CYRIA: variants seen among roughly 807,000 people sequenced by gnomAD.
CYRIA encodes the protein CYFIP related Rac1 interactor A, also known as CYFIP-related Rac1 interactor A.
In CYRIA, 15 loss-of-function variants were observed where a neutral mutation model predicts 43.9. The observed-to-expected ratio is 0.34, with a 90% CI of 0.23 to 0.53. CYRIA has a LOEUF of 0.53. CYRIA is among the 20% of genes least tolerant of loss of function. The pLI is 0.94. For missense variants in CYRIA, 236 were observed against 394.2 expected (o/e 0.60, Z 3.40); for synonymous variants, 117 against 136.0 (o/e 0.86, Z 0.97).
At chr2:16,637,213 A>T (rs1352713973) in intron 1 of CYRIA, among the ~76,000 whole-genome samples, 1 of 152,162 alleles carries the variant, frequency 6.6e-6, no homozygotes, top group Admixed American at 6.6e-5. Flanking sequence ...TTTTAACTTA[A>T]AAGTTGTAAT....
chr2:16,630,214 GA>G (rs1371989014), intron 1 of CYRIA, among the ~76,000 whole-genome samples: 1 of 152,194 alleles, frequency 6.6e-6, no homozygotes, highest in Non-Finnish European at 1.5e-5. Context: ...CAGTCACTCA[GA>G]GAGGCTGAGT....
intron 3 of CYRIA, among the ~76,000 whole-genome samples, chr2:16,578,489 T>TATAAAA (rs1667431339): frequency 6.6e-6 from 1 of 152,218 alleles, no homozygotes; most frequent in African/African-American, 2.4e-5. Flanking sequence ...TTAAAGAATC[T>TATAAAA]ATAATGTTGA....
chr2:16,602,661 G>A (rs1668252272), intron 2 of CYRIA, among the ~76,000 whole-genome samples: 1 of 151,964 alleles, frequency 6.6e-6, no homozygotes, highest in African/African-American at 2.4e-5. Flanking sequence ...ATTAGAACTG[G>A]GGTCATCTTT....
At chr2:16,564,498 C>T (rs770090108) in intron 4 of CYRIA, among the ~76,000 whole-genome samples, 11 of 152,066 alleles carry the variant, frequency 7.2e-5, no homozygotes, top group Non-Finnish European at 1.5e-4. Context: ...GTCATGTTAC[C>T]TAAATTGTAT....
intron 3 of CYRIA, among the ~76,000 whole-genome samples, chr2:16,569,041 T>C (rs1191867737): frequency 6.6e-6 from 1 of 152,206 alleles, no homozygotes; most frequent in African/African-American, 2.4e-5. Flanking sequence ...CTGTTTCTGA[T>C]AGGGTGGCCT....
At chr2:16,579,882 C>CAAACATTAATTAAACATATATGT (rs1667488457) in intron 3 of CYRIA, among the ~76,000 whole-genome samples, 2 of 151,562 alleles carry the variant, frequency 1.3e-5, no homozygotes, top group African/African-American at 2.4e-5. Flanking sequence ...AGCTCAAATA[C>CAAACATTAATTAAACATATATGT]AAACATTAAT....
chr2:16,627,350 TC>T (rs1429576862), intron 1 of CYRIA, among the ~76,000 whole-genome samples: 2 of 152,150 alleles, frequency 1.3e-5, no homozygotes, highest in Non-Finnish European at 2.9e-5. Flanking sequence ...TTAGACTGAG[TC>T]CCTCAATGCC....
chr2:16,643,707 C>T (rs554023325), intron 1 of CYRIA, among the ~76,000 whole-genome samples: 1 of 152,312 alleles, frequency 6.6e-6, no homozygotes, highest in South Asian at 2.1e-4. Flanking sequence ...GGGCCAGGCT[C>T]ACATCAGTGT....
rs1666358864 is a variant in CYRIA at position 16,552,722 on chromosome 2, G to A, written c.*214C>T. On this transcript the variant is annotated 3_prime_UTR_variant, in exon 12 of 12. Coordinates refer to ENST00000381323, the MANE Select transcript of CYRIA (RefSeq NM_030797.4). ...TCCGAATTTTGCCTTTGGAGAAGGG[G>A]GTTTCATTTCAGACATCAAAGGTAA... 6.1e-6 allele frequency: 3 copies of A among 488,520 alleles called. No homozygotes were observed. The East Asian group carries it at 9.7e-5, about 16-fold the overall frequency. 30.3% of individuals were successfully genotyped at this position (488,520 alleles called of 1,614,324 possible). A position where few individuals can be genotyped will look rare whatever the true frequency, so the allele number is the denominator to read the frequency against.
Position 16,588,000 on chromosome 2 carries a change from T to A in CYRIA, c.70+50A>T, listed in dbSNP as rs113017611. The A allele has an allele frequency of 6.4e-4, 750 of 1,168,574 alleles. 7 individuals are homozygous for A. In the African/African-American group the frequency reaches 0.01, roughly 16 times the overall value. 72.4% of individuals were successfully genotyped at this position (1,168,574 alleles called of 1,614,324 possible). ...TATGTTATAACTTCCTTATCAACAA[T>A]CTATAAGGAATGTAAAAAAGTTTCC... is the stretch of plus-strand genomic sequence containing the variant. On this transcript the variant is annotated intron_variant, in intron 3 of 11. Coordinates refer to ENST00000381323, the MANE Select transcript of CYRIA (RefSeq NM_030797.4).
At chr2:16,663,765 C>T (rs1670322868) in intron 1 of CYRIA, among the ~76,000 whole-genome samples, 1 of 152,142 alleles carries the variant, frequency 6.6e-6, no homozygotes, top group Non-Finnish European at 1.5e-5. Context: ...CAGACAGCTT[C>T]CTGGCAGCTC....
At chr2:16,572,700 C>T (rs1667180150) in intron 3 of CYRIA, among the ~76,000 whole-genome samples, 1 of 152,160 alleles carries the variant, frequency 6.6e-6, no homozygotes, top group Admixed American at 6.5e-5. Flanking sequence ...GATTTGAAGA[C>T]TTTAGAATTT....
Position 16,588,133 on chromosome 2 carries a change from G to A in CYRIA, c.-10-4C>T, listed in dbSNP as rs1230952012. On this transcript the variant is annotated splice_polypyrimidine_tract_variant and splice_region_variant and intron_variant, in intron 2 of 11. Coordinates refer to ENST00000381323, the MANE Select transcript of CYRIA (RefSeq NM_030797.4). ...CAGGTTTCCCATCCCAGCAAACCTAGGAAAGGCAACACAAAACCAAATACC... is the reference window on the plus strand; with the variant it reads ...CAGGTTTCCCATCCCAGCAAACCTAAGAAAGGCAACACAAAACCAAATACC... 1 of 1,595,622 alleles carries A rather than the reference G, an allele frequency of 6.3e-7. No homozygotes were observed. Among genetic ancestry groups the A allele is most frequent in the East Asian group, 2.2e-5 (1 of 44,578 alleles).
At chr2:16,661,532 TC>T (rs1208065913) in intron 1 of CYRIA, among the ~76,000 whole-genome samples, 1 of 152,182 alleles carries the variant, frequency 6.6e-6, no homozygotes, top group Non-Finnish European at 1.5e-5. Context: ...CTCAGATGTG[TC>T]AAACTCCTCT....
intron 2 of CYRIA, among the ~76,000 whole-genome samples, chr2:16,610,484 T>C (rs1378884580): frequency 2.6e-5 from 4 of 152,210 alleles, no homozygotes; most frequent in Non-Finnish European, 4.4e-5. Flanking sequence ...TATTAGCACA[T>C]GGTTTGGCAT....
chr2:16,634,669 TG>T (rs60452596), intron 1 of CYRIA, among the ~76,000 whole-genome samples: 84,286 of 152,056 alleles, frequency 0.55, 27,498 homozygotes, highest in East Asian at 0.95. Context: ...GGCATGTGTC[TG>T]GGGGGTGGCA....
intron 2 of CYRIA, among the ~76,000 whole-genome samples, chr2:16,619,541 G>T (rs1474897091): frequency 6.6e-6 from 1 of 152,190 alleles, no homozygotes; most frequent in Non-Finnish European, 1.5e-5. Context: ...GAGCTATGGT[G>T]TAATCCATGC....
chr2:16,602,596 A>G (rs1668250286), intron 2 of CYRIA, among the ~76,000 whole-genome samples: 1 of 152,088 alleles, frequency 6.6e-6, no homozygotes, highest in African/African-American at 2.4e-5. Context: ...TGGGTCCTGG[A>G]CTTCATAATA....
chr2:16,565,358 G>C (rs1666890052), intron 4 of CYRIA, among the ~76,000 whole-genome samples: 1 of 151,946 alleles, frequency 6.6e-6, no homozygotes, highest in African/African-American at 2.4e-5. Context: ...TAATTTTTTT[G>C]TATTTTTAGT....
Sources: allele counts gnomAD v4.1 joint callset (sites outside exome capture counted in the v4.1 genomes callset), GRCh38; gene constraint gnomAD v4.1.1; transcripts MANE v1.5; gene names NCBI Gene and HGNC (gene_info 2026-07-23, HGNC 2026-07-21).